The following ZNF808 variants were observed in gnomAD, a reference collection of about 807,000 sequenced individuals.
ZNF808 encodes the protein zinc finger protein 808.
A neutral mutation model predicts 8.7 loss-of-function variants in ZNF808; 5 were observed. That is an observed-to-expected ratio of 0.58 (90% CI 0.30 to 1.21). The LOEUF (loss-of-function observed/expected upper bound fraction) is 1.21. Among genes scored for constraint, ZNF808 ranks in the 50% most tolerant of loss-of-function variants. ZNF808 has a pLI of 0.07. For missense variants in ZNF808, 1,103 were observed against 1,098.4 expected (o/e 1.00, Z -0.06); for synonymous variants, 380 against 366.0 (o/e 1.04, Z -0.44).
chr19:52,554,284 A>C lies in ZNF808; in HGVS notation c.1368A>C (p.Lys456Asn). 1.9e-6 allele frequency: 3 copies of C among 1,614,124 alleles called. No individual in the cohort carries two copies. The highest frequency in any genetic ancestry group is 1.7e-5 in the Admixed American group (1 of 60,012). ...KRIHTGEKPY[K>N]CKVCDTAFTC... ...TTCATACTGGAGAGAAACCATACAA[A>C]TGTAAGGTTTGTGATACAGCTTTCA... Residue 456 changes from lysine to asparagine, a missense_variant, in exon 5 of 5, where the codon AAA (lysine) becomes AAC (asparagine). Coordinates refer to ENST00000359798, the MANE Select transcript of ZNF808 (RefSeq NM_001039886.4).
intron 1 of ZNF808, among the ~76,000 whole-genome samples, chr19:52,529,467 G>C (rs915206488): frequency 6.6e-6 from 1 of 152,108 alleles, no homozygotes; most frequent in African/African-American, 2.4e-5. Context: ...TGACTTCCCT[G>C]TATATAATCT....
chr19:52,546,943 C>CTT (rs1172936091), intron 3 of ZNF808, among the ~76,000 whole-genome samples: 1,034 of 78,388 alleles, frequency 0.013, 61 homozygotes, highest in African/African-American at 0.045. Context: ...CCTGGAATTG[C>CTT]TTTTTTTTTT....
downstream of ZNF808, among the ~76,000 whole-genome samples, chr19:52,564,843 T>C (rs549396492): frequency 4.5e-4 from 68 of 152,136 alleles, 3 homozygotes; most frequent in South Asian, 0.013. Flanking sequence ...TCCCAGCACT[T>C]TGGGAGGCCG....
intron 2 of ZNF808, among the ~76,000 whole-genome samples, chr19:52,539,923 C>T (rs1385666136): frequency 6.6e-6 from 1 of 152,122 alleles, no homozygotes; most frequent in South Asian, 2.1e-4. Flanking sequence ...CAGCACTGTG[C>T]AGCGGCAACC....
chr19:52,549,216 G>C (rs2059752010), intron 4 of ZNF808, among the ~76,000 whole-genome samples: 1 of 151,988 alleles, frequency 6.6e-6, no homozygotes, highest in Admixed American at 6.6e-5. Flanking sequence ...CTGACCTCCT[G>C]ATGCACCCGC....
At chr19:52,561,196 C>G (rs1460698228), downstream of ZNF808, among the ~76,000 whole-genome samples, 2 of 60,726 alleles carry the variant, frequency 3.3e-5, no homozygotes, top group African/African-American at 5.9e-5. Context: ...CTCTCTCTCT[C>G]TCTCTCTCTC....
At chr19:52,535,495 G>A (rs1245284925) in intron 2 of ZNF808, among the ~76,000 whole-genome samples, 2 of 152,156 alleles carry the variant, frequency 1.3e-5, no homozygotes, top group Non-Finnish European at 2.9e-5. Flanking sequence ...GGGACCTCAG[G>A]CTTCCGCCCC....
chr19:52,567,200 C>T (rs1248084869), downstream of ZNF808, among the ~76,000 whole-genome samples: 2 of 152,072 alleles, frequency 1.3e-5, no homozygotes, highest in African/African-American at 2.4e-5. Context: ...GATGCCCCCA[C>T]GTCGGCCTTC....
chr19:52,554,912 C>G lies in ZNF808; in HGVS notation c.1996C>G (p.Leu666Val). ...CGKTFSYKSS[L>V]VWHRRLHGGE... ...GAAGACCTTCAGTTACAAGTCATCA[C>G]TTGTATGGCATCGTAGACTTCATGG... is the stretch of plus-strand genomic sequence containing the variant. Residue 666 changes from leucine to valine, a missense_variant, in exon 5 of 5, where the codon CTT becomes GTT. Coordinates refer to ENST00000359798, the MANE Select transcript of ZNF808 (RefSeq NM_001039886.4). The G allele has an allele frequency of 6.2e-7, 1 of 1,614,202 alleles. No homozygotes were observed. Among genetic ancestry groups the G allele is most frequent in the Non-Finnish European group, 8.5e-7 (1 of 1,180,034 alleles).
chr19:52,542,443 A>G (rs2059680095), intron 2 of ZNF808, among the ~76,000 whole-genome samples: 1 of 151,350 alleles, frequency 6.6e-6, no homozygotes, highest in Non-Finnish European at 1.5e-5. Context: ...CCCTCTCTCT[A>G]GGATGCTCTT....
rs760463513 is a variant in ZNF808 at position 52,554,664 on chromosome 19, C to T, written c.1748C>T (p.Ser583Leu). The T allele has an allele frequency of 4.3e-5, 69 of 1,613,802 alleles. No homozygotes were observed. Among genetic ancestry groups the T allele is most frequent in the East Asian group, 1.6e-4 (7 of 44,862 alleles). The change falls in exon 5 of 5, where the codon TCA becomes TTA. Residue 583 changes from serine to leucine, a missense_variant. Physicochemically the swap from Ser to Leu is moderately radical, Grantham distance 145 (BLOSUM62 -2). Coordinates refer to ENST00000359798, the MANE Select transcript of ZNF808 (RefSeq NM_001039886.4). ...GCTTTTAATCAACAATCACATCTTT[C>T]ACGTCATCGTAGACTTCATACTGGA... is the stretch of plus-strand genomic sequence containing the variant. ...GKAFNQQSHL[S>L]RHRRLHTGEK...
At chr19:52,565,264 G>T (rs993262347), downstream of ZNF808, among the ~76,000 whole-genome samples, 10 of 152,016 alleles carry the variant, frequency 6.6e-5, no homozygotes, top group African/African-American at 1.7e-4. Context: ...GGCAACAAGA[G>T]CAAAACTCCA....
At chr19:52,566,145 TTATATATA>T (rs149929472), downstream of ZNF808, among the ~76,000 whole-genome samples, 1 of 150,772 alleles carries the variant, frequency 6.6e-6, no homozygotes, top group Non-Finnish European at 1.5e-5. Flanking sequence ...GTGAAAGATT[TTATATATA>T]TATATATAGT....
intron 2 of ZNF808, among the ~76,000 whole-genome samples, chr19:52,540,021 AT>A (rs1366890281): frequency 4.0e-5 from 6 of 151,686 alleles, no homozygotes; most frequent in Non-Finnish European, 7.4e-5. Context: ...ATGTTTAGAT[AT>A]ATGTATTTAT....
At chr19:52,533,720 G>A (rs1364468620) in intron 2 of ZNF808, among the ~76,000 whole-genome samples, 1 of 151,434 alleles carries the variant, frequency 6.6e-6, no homozygotes, top group Non-Finnish European at 1.5e-5. Context: ...GCCGGGCATG[G>A]TGGCACATGC....
At chr19:52,541,318 C>G (rs566508921) in intron 2 of ZNF808, among the ~76,000 whole-genome samples, 1 of 150,056 alleles carries the variant, frequency 6.7e-6, no homozygotes, top group Non-Finnish European at 1.5e-5. Context: ...CAATATTATT[C>G]TTTTCCATGT....
chr19:52,547,383 A>G, intron 3 of ZNF808, 129 bp from the exon 4 acceptor site: 1 of 1,534,842 alleles, frequency 6.5e-7, no homozygotes, highest in Non-Finnish European at 8.7e-7. Flanking sequence ...AGTCAAAAAT[A>G]CCTTAACATC....
chr19:52,546,944 T>A (rs1199985197), intron 3 of ZNF808, among the ~76,000 whole-genome samples: 1 of 104,486 alleles, frequency 9.6e-6, no homozygotes, highest in Admixed American at 9.6e-5. Context: ...CTGGAATTGC[T>A]TTTTTTTTTT....
intron 3 of ZNF808, among the ~76,000 whole-genome samples, chr19:52,547,075 G>T (rs2059729284): frequency 6.6e-6 from 1 of 150,602 alleles, no homozygotes; most frequent in Non-Finnish European, 1.5e-5. Flanking sequence ...AGCCTCCTGT[G>T]TAGCTGGGAT....
Sources: allele counts gnomAD v4.1 joint callset (sites outside exome capture counted in the v4.1 genomes callset), GRCh38; gene constraint gnomAD v4.1.1; transcripts MANE v1.5; gene names NCBI Gene and HGNC (gene_info 2026-07-23, HGNC 2026-07-21).